Variants in RGPD4 observed in about 807,000 individuals in gnomAD.
RGPD4 encodes the protein RANBP2 like and GRIP domain containing 4, also known as ranBP2-like and GRIP domain-containing protein 4.
A neutral mutation model predicts 141.1 loss-of-function variants in RGPD4; 84 were observed. That is an observed-to-expected ratio of 0.60 (90% CI 0.50 to 0.71). The LOEUF (loss-of-function observed/expected upper bound fraction) is 0.71, where lower values mean the gene tolerates loss of function less well. Among genes scored for constraint, RGPD4 ranks in the 30% least tolerant of loss-of-function variants. The pLI is 0.00. For missense variants in RGPD4, 918 were observed against 1,622.4 expected, an observed-to-expected ratio of 0.57 and a Z score of 7.46; for synonymous variants, 298 against 566.8, an observed-to-expected ratio of 0.53 and a Z score of 6.74.
intron 1 of RGPD4, among the ~76,000 whole-genome samples, chr2:107,830,026 C>G (rs980935630): frequency 6.6e-6 from 1 of 152,006 alleles, no homozygotes; most frequent in Non-Finnish European, 1.5e-5. Flanking sequence ...TTGCAATGGC[C>G]GGACGGCGCA....
intron 22 of RGPD4, 145 bp from the exon 23 acceptor site, chr2:107,890,576 A>ACACC (rs1675628487): frequency 1.1e-5 from 1 of 88,404 alleles, no homozygotes; most frequent in Admixed American, 2.5e-4. Context: ...AAAAAAAAGA[A>ACACC]CCCCCCCCCC....
chr2:107,881,970 G>A (rs941470219), intron 21 of RGPD4, among the ~76,000 whole-genome samples: 6 of 151,898 alleles, frequency 4.0e-5, no homozygotes, highest in Non-Finnish European at 8.8e-5. Context: ...GGGGTTAGTG[G>A]AGGCTACCAA....
chr2:107,827,905 C>T (rs1468595989), intron 1 of RGPD4, among the ~76,000 whole-genome samples: 1 of 20,000 alleles, frequency 5.0e-5, no homozygotes, highest in Non-Finnish European at 9.1e-5. Flanking sequence ...CGGGCGGCGG[C>T]GGCCTCGACC....
chr2:107,845,431 G>T (rs1295695148), intron 6 of RGPD4, among the ~76,000 whole-genome samples: 1 of 150,376 alleles, frequency 6.6e-6, no homozygotes, highest in African/African-American at 2.5e-5. Context: ...GCCCTCAGAG[G>T]GGGAGGCTCA....
chr2:107,887,179 C>G (rs559109828), intron 22 of RGPD4, among the ~76,000 whole-genome samples: 137 of 152,092 alleles, frequency 9.0e-4, no homozygotes, highest in African/African-American at 3.2e-3. Context: ...GAGTTCGAGG[C>G]TGCAGTCGAA....
At chr2:107,890,656 T>C (rs1675632963) in intron 22 of RGPD4, 65 bp from the exon 23 acceptor site, 3 of 1,411,068 alleles carry the variant, frequency 2.1e-6, no homozygotes, top group Non-Finnish European at 1.9e-6. Context: ...TTCTAAAATA[T>C]AGATTTTACA....
chr2:107,890,680 A>G (rs1216516970), intron 22 of RGPD4, 41 bp from the exon 23 acceptor site: 6 of 1,559,170 alleles, frequency 3.8e-6, no homozygotes, highest in Admixed American at 3.7e-5. Context: ...AGAAATTTTA[A>G]TACTCTCTTT....
chr2:107,880,116 A>C lies in RGPD4; in HGVS notation c.5064+9A>C. On this transcript the variant is annotated intron_variant, in intron 21 of 22. Transcript: ENST00000408999. ...TTATGGAGCAAATTAAGGTGAGATC[A>C]GAAAACCTGGCCACCATGAAAACTG... The C allele has an allele frequency of 2.5e-6, 4 of 1,611,588 alleles. No homozygotes were observed. Among genetic ancestry groups the C allele is most frequent in the Non-Finnish European group, 3.4e-6 (4 of 1,179,854 alleles).
intron 1 of RGPD4, among the ~76,000 whole-genome samples, chr2:107,832,644 A>G (rs1288035730): frequency 1.5e-5 from 2 of 137,532 alleles, no homozygotes; most frequent in Non-Finnish European, 3.1e-5. Context: ...ATTTCACCAT[A>G]CTGGTCAGGC....
chr2:107,838,528 T>C (rs1402927243), intron 3 of RGPD4, among the ~76,000 whole-genome samples, 160 bp downstream of exon 3: 1 of 60,384 alleles, frequency 1.7e-5, no homozygotes, highest in Non-Finnish European at 3.5e-5. Flanking sequence ...TTAGAATTGT[T>C]TAACACCTAT....
At chr2:107,881,646 C>A (rs2104516440) in intron 21 of RGPD4, among the ~76,000 whole-genome samples, 1 of 150,772 alleles carries the variant, frequency 6.6e-6, no homozygotes, top group East Asian at 1.9e-4. Context: ...TTTATACTCT[C>A]TTCATGATTT....
intron 1 of RGPD4, among the ~76,000 whole-genome samples, chr2:107,827,711 T>C (rs1359100246): frequency 3.8e-5 from 2 of 53,014 alleles, no homozygotes; most frequent in East Asian, 3.4e-4. Flanking sequence ...GGCCTGGACC[T>C]GGCCCGGCGG....
chr2:107,831,061 C>T (rs1226830585), intron 1 of RGPD4, among the ~76,000 whole-genome samples: 3 of 132,694 alleles, frequency 2.3e-5, no homozygotes, highest in South Asian at 2.7e-4. Flanking sequence ...CCTGTAGTCC[C>T]ACCTACTCGG....
At chr2:107,882,262 G>C (rs563563666) in intron 21 of RGPD4, among the ~76,000 whole-genome samples, 6 of 149,710 alleles carry the variant, frequency 4.0e-5, no homozygotes, top group African/African-American at 1.5e-4. Context: ...TCTGTTTCTC[G>C]TGAGAATTTC....
chr2:107,837,188 CTTTTTTTTTTTT>C (rs71225100), intron 2 of RGPD4, among the ~76,000 whole-genome samples: 2 of 41,892 alleles, frequency 4.8e-5, no homozygotes, highest in Non-Finnish European at 8.1e-5. Flanking sequence ...GGGAGGCAGG[CTTTTTTTTTTTT>C]TTTTTTTAGG....
Position 107,872,032 on chromosome 2 carries a change from A to G in RGPD4, c.4028A>G (p.Asp1343Gly). 1 of 1,611,502 alleles carries G rather than the reference A, an allele frequency of 6.2e-7. No individual in the cohort carries two copies. The highest frequency in any genetic ancestry group is 8.5e-7 in the Non-Finnish European group (1 of 1,179,832). The change falls in exon 20 of 23, where the codon GAT becomes GGT. Residue 1343 changes from aspartate (D) to glycine (G), a missense_variant. Coordinates refer to ENST00000408999, the MANE Select transcript of RGPD4 (RefSeq NM_182588.3). ...QYFEPVVPLP[D>G]LVEVSSGEEN... ...TTTGAACCTGTTGTTCCTTTACCTGATCTAGTTGAAGTATCCAGTGGTGAG... is the reference window on the plus strand; with the variant it reads ...TTTGAACCTGTTGTTCCTTTACCTGGTCTAGTTGAAGTATCCAGTGGTGAG...
At chr2:107,877,098 G>A (rs1404507931) in intron 20 of RGPD4, among the ~76,000 whole-genome samples, 2 of 151,896 alleles carry the variant, frequency 1.3e-5, no homozygotes, top group Admixed American at 6.5e-5. Context: ...TTTAGACCAG[G>A]TGTGGTGTCT....
In RGPD4 at chr2:107,872,001, C is replaced by T; in HGVS notation, c.3997C>T (p.Gln1333Ter). The change falls in exon 20 of 23, where the codon CAG (glutamine) becomes TAG (stop). Residue 1333 changes from glutamine to a stop codon, truncating the protein, a stop_gained. Transcript: ENST00000408999. LOFTEE classifies it high-confidence loss of function. ...DVTQEEERDG[Q>*]YFEPVVPLPD... ...TACTCAAGAAGAAGAGAGAGATGGACAGTACTTTGAACCTGTTGTTCCTTT... is the reference window on the plus strand; with the variant it reads ...TACTCAAGAAGAAGAGAGAGATGGATAGTACTTTGAACCTGTTGTTCCTTT... The T allele has an allele frequency of 6.2e-7, 1 of 1,611,414 alleles. No individual in the cohort carries two copies. Among genetic ancestry groups the T allele is most frequent in the South Asian group, 1.1e-5 (1 of 90,982 alleles).
chr2:107,887,390 A>C (rs2104522977), intron 22 of RGPD4, among the ~76,000 whole-genome samples: 1 of 152,322 alleles, frequency 6.6e-6, no homozygotes, highest in East Asian at 1.9e-4. Context: ...GTTGGTAAAT[A>C]CCTGACTGTA....
Sources: gnomAD v4.1 joint callset for allele counts (sites outside exome capture counted in the v4.1 genomes callset) on GRCh38, gnomAD v4.1.1 for gene constraint, MANE v1.5 for transcripts, NCBI Gene and HGNC (gene_info 2026-07-23, HGNC 2026-07-21) for gene names.